The following SLC35F3 variants were observed in gnomAD, a reference collection of about 807,000 sequenced individuals.
SLC35F3 encodes solute carrier family 35 member F3.
In SLC35F3, 25 loss-of-function variants were observed where a neutral mutation model predicts 49.9. That is an observed-to-expected ratio of 0.50 (90% CI 0.37 to 0.70). The LOEUF (loss-of-function observed/expected upper bound fraction) is 0.70. Among genes scored for constraint, SLC35F3 ranks in the 30% least tolerant of loss-of-function variants. SLC35F3 has a pLI of 0.00. For synonymous variants in SLC35F3, 275 were observed against 265.4 expected, an observed-to-expected ratio of 1.04 and a Z score of -0.35; for missense variants, 525 against 639.8, an observed-to-expected ratio of 0.82 and a Z score of 1.94.
At chr1:234,089,715 A>G (rs1665012535) in intron 2 of SLC35F3, among the ~76,000 whole-genome samples, 1 of 152,130 alleles carries the variant, frequency 6.6e-6, no homozygotes, top group African/African-American at 2.4e-5. Context: ...GCACCAGCTC[A>G]CTGGGTAGGA....
chr1:234,213,492 G>A (rs949912566), intron 2 of SLC35F3: 1 of 152,304 alleles, frequency 6.6e-6, no homozygotes, highest in Non-Finnish European at 1.5e-5. Flanking sequence ...CACTGTCATG[G>A]GATAAATGCC....
chr1:234,181,062 G>A (rs766996304), intron 2 of SLC35F3, among the ~76,000 whole-genome samples: 49 of 152,034 alleles, frequency 3.2e-4, no homozygotes, highest in East Asian at 9.6e-4. Context: ...ATGGCCAGGC[G>A]CGGTGGCTGG....
intron 7 of SLC35F3, among the ~76,000 whole-genome samples, chr1:234,322,023 TAATAA>T (rs1657633714): frequency 6.6e-5 from 8 of 120,576 alleles, no homozygotes; most frequent in African/African-American, 2.7e-4. Context: ...TCTACAAAAA[TAATAA>T]TAATAATAAT....
chr1:234,191,053 G>A (rs1558255270), intron 2 of SLC35F3, among the ~76,000 whole-genome samples: 1 of 152,200 alleles, frequency 6.6e-6, no homozygotes, highest in Non-Finnish European at 1.5e-5. Flanking sequence ...AGAAGGAGGA[G>A]GTAATGATTG....
intron 2 of SLC35F3, among the ~76,000 whole-genome samples, chr1:234,096,601 G>A (rs1019874942): frequency 1.3e-5 from 2 of 152,116 alleles, no homozygotes; most frequent in Non-Finnish European, 2.9e-5. Flanking sequence ...TGCATAGCTG[G>A]AACAAAAAGC....
chr1:234,094,748 G>A lies in SLC35F3; in HGVS notation c.284-136669G>A, dbSNP rs1282613655. 2.6e-5 allele frequency among the ~76,000 whole-genome samples: 4 copies of A among 152,144 alleles called. No individual in the cohort carries two copies. The East Asian group carries it at 5.8e-4, about 22-fold the overall frequency. On this transcript the variant is annotated intron_variant, in intron 2 of 7. Transcript: ENST00000366618. ...TATGAGGCATGAGGGAGGCTTGATAGGGGCTTTGAAGGCACTGATGGCAAT... is the reference window on the plus strand; with the variant it reads ...TATGAGGCATGAGGGAGGCTTGATAAGGGCTTTGAAGGCACTGATGGCAAT...
In SLC35F3 at chr1:234,257,540, G is replaced by A. The variant is rs573948997; in HGVS notation, c.608+25799G>A. On this transcript the variant is annotated intron_variant, in intron 3 of 7. Transcript: ENST00000366618. Reference sequence around the variant, plus strand: ...GGACAAGGATTTGAATCAAAGGATGGACATAGATGCCAGTGTTGAAAAGGG... The same window carrying A: ...GGACAAGGATTTGAATCAAAGGATGAACATAGATGCCAGTGTTGAAAAGGG... Among the ~76,000 whole-genome samples the A allele has an allele frequency of 3.3e-5, 5 of 152,312 alleles. No individual in the cohort carries two copies. In the South Asian group the frequency reaches 1.0e-3, roughly 32 times the overall value.
intron 3 of SLC35F3, among the ~76,000 whole-genome samples, chr1:234,245,069 C>G (rs112469484): frequency 1.3e-5 from 2 of 152,254 alleles, no homozygotes; most frequent in African/African-American, 4.8e-5. Context: ...TTTCTTCTAT[C>G]TAACTGTATG....
intron 2 of SLC35F3, among the ~76,000 whole-genome samples, chr1:233,968,960 T>C (rs773205285): frequency 6.6e-6 from 1 of 152,056 alleles, no homozygotes; most frequent in African/African-American, 2.4e-5. Context: ...AATTGGCCTC[T>C]AGCTGCATCT....
chr1:234,071,418 T>G (rs1002059866), intron 2 of SLC35F3, among the ~76,000 whole-genome samples: 1 of 152,178 alleles, frequency 6.6e-6, no homozygotes, highest in Non-Finnish European at 1.5e-5. Flanking sequence ...GACGTTCTTG[T>G]CACTCCTGCT....
Position 234,231,515 on chromosome 1 carries a change from T to C in SLC35F3, c.382T>C (p.Ser128Pro), listed in dbSNP as rs769939306. The change falls in exon 3 of 8, where the codon TCC becomes CCC. Residue 128 changes from serine to proline, a missense_variant. Around this residue, in one of 4 missense-constraint regions of SLC35F3, gnomAD observed 228 missense variants for 218.9 expected, o/e 1.04. Transcript: ENST00000366618. This position sits in a 1 kb window ranked among gnomAD's most constrained non-coding sequence, Gnocchi z 5.4. Reference protein sequence around the residue: ...GRASRRCWTCSRAQLKKIFWG... With the variant: ...GRASRRCWTCPRAQLKKIFWG... The stretch of plus-strand genomic sequence containing the variant: ...AGCGAGTCGCCGCTGCTGGACGTGC[T>C]CCCGGGCGCAACTCAAGAAGATCTT... 8.1e-6 allele frequency: 13 copies of C among 1,613,658 alleles called. No homozygotes were observed. The highest frequency in any genetic ancestry group is 1.3e-5 in the African/African-American group (1 of 74,888).
At chr1:233,971,229 G>A (rs544086933) in intron 2 of SLC35F3, among the ~76,000 whole-genome samples, 2 of 152,316 alleles carry the variant, frequency 1.3e-5, no homozygotes, top group African/African-American at 2.4e-5. Flanking sequence ...TGCCCAGAAG[G>A]GAGAGGCCCC....
intron 2 of SLC35F3, among the ~76,000 whole-genome samples, chr1:234,019,986 T>TA (rs1487288964): frequency 6.6e-6 from 1 of 152,178 alleles, no homozygotes; most frequent in East Asian, 1.9e-4. Context: ...TGTGGCCTGA[T>TA]AACTGTTGAT....
At chr1:233,951,602 G>A (rs1314122752) in intron 2 of SLC35F3, among the ~76,000 whole-genome samples, 2 of 152,156 alleles carry the variant, frequency 1.3e-5, no homozygotes, top group Non-Finnish European at 2.9e-5. Context: ...GTTAGGAATG[G>A]GGGTGCACCA....
chr1:233,905,870 G>C lies in SLC35F3; in HGVS notation c.283+112G>C, dbSNP rs1661768468. On this transcript the variant is annotated intron_variant, in intron 2 of 7. Coordinates refer to ENST00000366618, the MANE Select transcript of SLC35F3 (RefSeq NM_173508.4). ...GCGTCCAGCCACCCCCTCCCGCCCT[G>C]CCTGCTGATACAGACCCAGGTTTGC... 5 of 1,017,940 alleles carry C rather than the reference G, an allele frequency of 4.9e-6. No homozygotes were observed. In the African/African-American group the frequency reaches 6.4e-5, roughly 13 times the overall value. 63.1% of individuals were successfully genotyped at this position (1,017,940 alleles called of 1,614,324 possible).
Position 234,231,626 on chromosome 1 carries a change from G to A in SLC35F3, c.493G>A (p.Ala165Thr). 1.9e-6 allele frequency: 3 copies of A among 1,614,220 alleles called. No homozygotes were observed. The highest frequency in any genetic ancestry group is 2.5e-6 in the Non-Finnish European group (3 of 1,180,026). The part of the protein sequence containing the change: ...LAKLTFRKFD[A>T]PFTLTWFATN... ...CAAGCTGACCTTCAGGAAGTTCGAC[G>A]CGCCCTTCACCCTCACGTGGTTTGC... The change falls in exon 3 of 8, where the codon GCG (alanine) becomes ACG (threonine). Residue 165 changes from alanine to threonine, a missense_variant. By Grantham distance (58) the Ala-to-Thr change is moderately conservative. Transcript: ENST00000366618. This position sits in a 1 kb window ranked among gnomAD's most constrained non-coding sequence, Gnocchi z 5.4.
In SLC35F3 at chr1:234,118,029, A is replaced by G. The variant is rs1002807488; in HGVS notation, c.284-113388A>G. 5.3e-5 allele frequency among the ~76,000 whole-genome samples: 8 copies of G among 151,752 alleles called. No homozygotes were observed. In the South Asian group the frequency reaches 1.7e-3, roughly 32 times the overall value. On this transcript the variant is annotated intron_variant, in intron 2 of 7. Transcript: ENST00000366618. ...GAAAGAGCTCATAACCTTTAAGGCCAGAGTTAATTTCATTATGCCAGGATG... is the reference window on the plus strand; with the variant it reads ...GAAAGAGCTCATAACCTTTAAGGCCGGAGTTAATTTCATTATGCCAGGATG...
chr1:234,073,826 G>A (rs1664755213), intron 2 of SLC35F3, among the ~76,000 whole-genome samples: 1 of 152,038 alleles, frequency 6.6e-6, no homozygotes, highest in Non-Finnish European at 1.5e-5. Flanking sequence ...CAAGTTTGAT[G>A]TCGTACTTGC....
intron 2 of SLC35F3, among the ~76,000 whole-genome samples, chr1:234,066,935 T>A (rs1558219807): frequency 6.6e-6 from 1 of 151,814 alleles, no homozygotes; most frequent in Non-Finnish European, 1.5e-5. Context: ...TGCAGTTCAT[T>A]AGGGAATACA....
Sources: allele counts gnomAD v4.1 joint callset (sites outside exome capture counted in the v4.1 genomes callset), GRCh38; gene constraint gnomAD v4.1.1; regional missense constraint gnomAD v4.1.1; non-coding constraint Gnocchi (gnomAD v3.1); transcripts MANE v1.5; gene names NCBI Gene and HGNC (gene_info 2026-07-23, HGNC 2026-07-21).